The following ZNF821 variants were observed in gnomAD, a reference collection of about 807,000 sequenced individuals.
The protein encoded by ZNF821 is zinc finger protein 821.
Under a neutral mutation model 44.3 loss-of-function variants are expected in ZNF821, and 16 were observed. The ratio of observed to expected loss-of-function variants is 0.36; its 90% CI spans 0.24 to 0.55. The LOEUF is 0.55. ZNF821 is among the 20% of genes least tolerant of loss of function. ZNF821 has a pLI of 0.86. For missense variants in ZNF821, 436 were observed against 547.6 expected (o/e 0.80, Z 2.03); for synonymous variants, 204 against 197.6 (o/e 1.03, Z -0.27).
intron 1 of ZNF821, among the ~76,000 whole-genome samples, chr16:71,893,305 G>A (rs2036902486): frequency 6.6e-6 from 1 of 151,968 alleles, no homozygotes; most frequent in African/African-American, 2.4e-5. Flanking sequence ...GGGATTACAG[G>A]CGTGAGCCAC....
intron 1 of ZNF821, 164 bp from the exon 2 acceptor site, chr16:71,883,437 A>G: frequency 5.9e-6 from 2 of 341,860 alleles, no homozygotes; most frequent in Admixed American, 7.7e-5. Flanking sequence ...CAAGAGCCTG[A>G]CAAGAGCCGG....
intron 3 of ZNF821, among the ~76,000 whole-genome samples, chr16:71,875,508 C>T (rs2035708582): frequency 6.6e-6 from 1 of 150,538 alleles, no homozygotes; most frequent in Non-Finnish European, 1.5e-5. Context: ...GGCTGGAGCG[C>T]AGTGGTGCGA....
intron 6 of ZNF821, among the ~76,000 whole-genome samples, chr16:71,863,530 G>A (rs1299623598): frequency 6.6e-6 from 1 of 151,098 alleles, no homozygotes; most frequent in Non-Finnish European, 1.5e-5. Context: ...GGTACTACAG[G>A]TGCAAGCCAC....
chr16:71,872,340 G>A (rs1022422876), intron 3 of ZNF821, among the ~76,000 whole-genome samples: 14 of 151,940 alleles, frequency 9.2e-5, no homozygotes, highest in East Asian at 3.9e-4. Flanking sequence ...TAGGCCGGGC[G>A]CGGTGGCTCA....
chr16:71,864,914 C>A lies in ZNF821; in HGVS notation c.301G>T (p.Val101Leu). 1.9e-6 allele frequency: 3 copies of A among 1,614,164 alleles called. No homozygotes were observed. Among genetic ancestry groups the A allele is most frequent in the Non-Finnish European group, 1.7e-6 (2 of 1,180,028 alleles). ...CCATCGTCACTTGCCTCGTGCTCTA[C>A]CACTTCGTTCCCACCAACAGGCTGT... Reference protein sequence around the residue: ...TEQPVGGNEVVEHEVTGNLNS... With the variant: ...TEQPVGGNEVLEHEVTGNLNS... The change falls in exon 5 of 8, where the codon GTA becomes TTA. Residue 101 changes from valine (V) to leucine (L), a missense_variant. Val to Leu is a conservative substitution (Grantham distance 32). Around this residue, in one of 5 missense-constraint regions of ZNF821, gnomAD observed 238 missense variants for 281.4 expected, o/e 0.85. Coordinates refer to ENST00000425432, the MANE Select transcript of ZNF821 (RefSeq NM_001201552.2).
At chr16:71,879,019 C>CTCCCTCT (rs2036153475) in intron 3 of ZNF821, among the ~76,000 whole-genome samples, 2 of 152,118 alleles carry the variant, frequency 1.3e-5, no homozygotes, top group Admixed American at 1.3e-4. Flanking sequence ...TTTCTAGCCT[C>CTCCCTCT]TCCCTCTTGT....
At chr16:71,881,800 C>A (rs1054291619) in intron 2 of ZNF821, 2 of 151,832 alleles carry the variant, frequency 1.3e-5, no homozygotes, top group African/African-American at 4.8e-5. Flanking sequence ...TATGGGGAAA[C>A]CTCTAATAAA....
chr16:71,872,771 C>A (rs1390613308), intron 3 of ZNF821, among the ~76,000 whole-genome samples: 1 of 152,130 alleles, frequency 6.6e-6, no homozygotes, highest in Non-Finnish European at 1.5e-5. Context: ...AGGATGCTAA[C>A]AGAATAAATA....
chr16:71,863,711 T>G (rs535253602), intron 6 of ZNF821, among the ~76,000 whole-genome samples: 1 of 152,012 alleles, frequency 6.6e-6, no homozygotes, highest in East Asian at 1.9e-4. Context: ...TTTTTTTTTC[T>G]TTTTGAGACA....
intron 4 of ZNF821, among the ~76,000 whole-genome samples, chr16:71,866,189 G>A (rs761920484): frequency 6.6e-6 from 1 of 152,100 alleles, no homozygotes; most frequent in Non-Finnish European, 1.5e-5. Context: ...AGGAAACTCA[G>A]ATTTCCTAGC....
At chr16:71,864,040 T>A (rs1345831772) in intron 6 of ZNF821, 98 bp downstream of exon 6, 1 of 1,081,414 alleles carries the variant, frequency 9.2e-7, no homozygotes, top group East Asian at 2.4e-5. Context: ...CCAAGACTCC[T>A]TCAGGAGCCA....
chr16:71,870,373 A>C (rs767490650), intron 3 of ZNF821, among the ~76,000 whole-genome samples: 13 of 152,104 alleles, frequency 8.5e-5, no homozygotes, highest in Non-Finnish European at 1.6e-4. Context: ...AGAAAACAAA[A>C]AAAAAAAATG....
chr16:71,883,863 G>C (rs1464130755), intron 1 of ZNF821, 45 bp downstream of exon 1: 1 of 152,750 alleles, frequency 6.5e-6, no homozygotes. Context: ...CGAGGAGCCC[G>C]CATCCCCAGC....
intron 6 of ZNF821, among the ~76,000 whole-genome samples, chr16:71,863,138 C>T (rs1054286023): frequency 3.3e-5 from 5 of 152,058 alleles, no homozygotes; most frequent in Non-Finnish European, 7.4e-5. Flanking sequence ...TCAAGTGATC[C>T]GCCCACCTTG....
chr16:71,864,404 G>A (rs1010833469), intron 5 of ZNF821, among the ~76,000 whole-genome samples, 162 bp from the exon 6 acceptor site: 4 of 152,218 alleles, frequency 2.6e-5, no homozygotes, highest in African/African-American at 9.7e-5. Flanking sequence ...AGTTGAGAGG[G>A]AATTATGGCT....
In ZNF821 at chr16:71,859,732, AG is replaced by A. The variant is rs1411039050; in HGVS notation, c.*285del. 5 of 409,166 alleles carry A rather than the reference AG, an allele frequency of 1.2e-5. No individual in the cohort carries two copies. The allele number at this position is 409,166 out of a possible 1,614,324, so 25.3% of individuals were successfully genotyped here. ...GACTTCACAACTTCATGGGCCACAC[AG>A]GGGCCCCACAGTCCTAGAAGCACAG... On this transcript the variant is annotated 3_prime_UTR_variant, in exon 8 of 8. Transcript: ENST00000425432.
intron 1 of ZNF821, among the ~76,000 whole-genome samples, chr16:71,893,008 G>A (rs890548893): frequency 3.0e-5 from 4 of 133,968 alleles, no homozygotes; most frequent in Non-Finnish European, 3.1e-5. Context: ...TGGGATTACA[G>A]GCATGAGCCA....
At chr16:71,872,413 A>T (rs1597164596) in intron 3 of ZNF821, among the ~76,000 whole-genome samples, 1 of 151,906 alleles carries the variant, frequency 6.6e-6, no homozygotes, top group South Asian at 2.1e-4. Flanking sequence ...GGAGATCGAG[A>T]CCATCCTGGC....
At chr16:71,885,551 C>G (rs758544285), upstream of ZNF821, among the ~76,000 whole-genome samples, 9 of 152,226 alleles carry the variant, frequency 5.9e-5, no homozygotes, top group South Asian at 2.1e-4. Context: ...GCAGGGCTAA[C>G]GAGGATGCTG....
Sources: allele counts gnomAD v4.1 joint callset (sites outside exome capture counted in the v4.1 genomes callset), GRCh38; gene constraint gnomAD v4.1.1; regional missense constraint gnomAD v4.1.1; transcripts MANE v1.5; gene names NCBI Gene and HGNC (gene_info 2026-07-23, HGNC 2026-07-21).